Variants in REV3L observed in about 807,000 individuals in gnomAD.
The protein encoded by REV3L is DNA polymerase zeta catalytic subunit.
REV3L carries 69 observed loss-of-function variants against 299.4 expected under a neutral mutation model. The ratio of observed to expected loss-of-function variants is 0.23; its 90% CI spans 0.19 to 0.28. The LOEUF (loss-of-function observed/expected upper bound fraction) is 0.28. Among genes scored for constraint, REV3L ranks in the 10% least tolerant of loss-of-function variants. REV3L has a pLI of 1.00. For synonymous variants in REV3L, 1,238 were observed against 1,271.4 expected (o/e 0.97, Z 0.56); for missense variants, 3,128 against 3,693.8 (o/e 0.85, Z 3.97).
Position 111,355,799 on chromosome 6 carries a change from G to A in REV3L, c.7184+1215C>T, listed in dbSNP as rs182506393. ...TGCTTGCAGAAATAAAAGAAGTGTGGATACTGAAAGCATCTGACATGTTGA... is the reference window on the plus strand; with the variant it reads ...TGCTTGCAGAAATAAAAGAAGTGTGAATACTGAAAGCATCTGACATGTTGA... On this transcript the variant is annotated intron_variant, in intron 18 of 31. Transcript: ENST00000368802. 7.3e-4 allele frequency among the ~76,000 whole-genome samples: 111 copies of A among 152,228 alleles called. 1 individual carries two copies. Among genetic ancestry groups the A allele is most frequent in the Middle Eastern group, 3.4e-3 (1 of 294 alleles).
At chr6:111,349,036 T>C in intron 20 of REV3L, 182 bp downstream of exon 20, 1 of 427,410 alleles carries the variant, frequency 2.3e-6, no homozygotes, top group Non-Finnish European at 4.1e-6. Context: ...CTTAAAACAT[T>C]AAAGTCTATT....
intron 1 of REV3L, among the ~76,000 whole-genome samples, chr6:111,439,838 A>G (rs1411979071): frequency 1.3e-5 from 2 of 152,210 alleles, no homozygotes; most frequent in Non-Finnish European, 2.9e-5. Context: ...CACCGAAAAC[A>G]GAAAGGGCCC....
intron 5 of REV3L, among the ~76,000 whole-genome samples, chr6:111,391,928 G>A (rs557293695): frequency 3.9e-5 from 6 of 152,348 alleles, no homozygotes; most frequent in African/African-American, 1.4e-4. Flanking sequence ...GGCGGCGGTC[G>A]TAGTAAGCTG....
intron 1 of REV3L, among the ~76,000 whole-genome samples, chr6:111,440,677 C>T (rs111647032): frequency 5.3e-5 from 8 of 152,282 alleles, no homozygotes; most frequent in African/African-American, 1.9e-4. Context: ...TATTCCTTTT[C>T]TAATACTCTT....
At chr6:111,441,020 A>T (rs1480911327) in intron 1 of REV3L, among the ~76,000 whole-genome samples, 1 of 152,126 alleles carries the variant, frequency 6.6e-6, no homozygotes, top group African/African-American at 2.4e-5. Flanking sequence ...GTTTCTTTCA[A>T]AATTTTCTCT....
intron 20 of REV3L, among the ~76,000 whole-genome samples, chr6:111,346,642 C>T (rs1246531605): frequency 1.3e-5 from 2 of 152,070 alleles, no homozygotes; most frequent in African/African-American, 4.8e-5. Context: ...TGCCACTGTA[C>T]CCAGTTCCAA....
At chr6:111,300,389 T>G (rs1269301048) in intron 31 of REV3L, among the ~76,000 whole-genome samples, 2 of 152,226 alleles carry the variant, frequency 1.3e-5, no homozygotes, top group South Asian at 4.1e-4. Context: ...AGGATTCATT[T>G]AATTCCTAAG....
chr6:111,310,975 G>T, intron 29 of REV3L, 94 bp downstream of exon 29: 1 of 942,154 alleles, frequency 1.1e-6, no homozygotes, highest in Non-Finnish European at 1.5e-6. Context: ...AAACAATTTT[G>T]TGTCTGTGTC....
At chr6:111,462,462 A>C (rs949350357) in intron 1 of REV3L, among the ~76,000 whole-genome samples, 35 of 152,162 alleles carry the variant, frequency 2.3e-4, no homozygotes, top group African/African-American at 7.2e-4. Context: ...TGAAAAAAAA[A>C]CTGATAGAAC....
intron 28 of REV3L, 106 bp downstream of exon 28, chr6:111,313,246 G>T: frequency 1.1e-6 from 1 of 919,728 alleles, no homozygotes; most frequent in Non-Finnish European, 1.6e-6. Context: ...TAATTATATA[G>T]GCTATAGTTC....
At chr6:111,303,649 G>A (rs975955142) in intron 31 of REV3L, among the ~76,000 whole-genome samples, 94 of 132,078 alleles carry the variant, frequency 7.1e-4, no homozygotes, top group African/African-American at 2.6e-3. Flanking sequence ...TTATAGGCGT[G>A]AGCCATGATC....
At chr6:111,360,384 C>T (rs1234747128) in intron 16 of REV3L, among the ~76,000 whole-genome samples, 3 of 150,420 alleles carry the variant, frequency 2.0e-5, no homozygotes, top group African/African-American at 4.9e-5. Flanking sequence ...GGGAAGCTTA[C>T]TTTTCATTGC....
chr6:111,391,432 T>G (rs17539434), intron 5 of REV3L, among the ~76,000 whole-genome samples: 1 of 152,176 alleles, frequency 6.6e-6, no homozygotes, highest in Admixed American at 6.5e-5. Flanking sequence ...TTGTCTATTT[T>G]AAAGGAAATT....
At position 111,405,507 on chromosome 6, in the gene REV3L, A is replaced by G; in HGVS notation, c.528T>C (p.Asn176=). The change falls in exon 4 of 32, where the codon AAT becomes AAC. Residue 176 remains asparagine, a synonymous_variant. Transcript: ENST00000368802. ...DYNLYGMNLI[N]LAAVKFRKAR... ...CTTTTCGGAACTTGACAGCAGCCAG[A>G]TTTATTAAATTCATGCCATAAAGAT... 5.6e-6 allele frequency: 9 copies of G among 1,605,132 alleles called. No individual in the cohort carries two copies. Among genetic ancestry groups the G allele is most frequent in the Non-Finnish European group, 7.6e-6 (9 of 1,176,760 alleles).
At chr6:111,477,487 G>A (rs2128343062) in intron 1 of REV3L, among the ~76,000 whole-genome samples, 1 of 152,298 alleles carries the variant, frequency 6.6e-6, no homozygotes, top group African/African-American at 2.4e-5. Context: ...TCGAAGTTTA[G>A]GTGAAAGAAA....
At chr6:111,359,870 T>C (rs1330702493) in intron 16 of REV3L, among the ~76,000 whole-genome samples, 2 of 152,228 alleles carry the variant, frequency 1.3e-5, no homozygotes, top group African/African-American at 4.8e-5. Flanking sequence ...TTGTGTTTTG[T>C]ATTATCTTGC....
chr6:111,407,083 C>T (rs1357462341), intron 3 of REV3L, among the ~76,000 whole-genome samples: 1 of 152,038 alleles, frequency 6.6e-6, no homozygotes, highest in Non-Finnish European at 1.5e-5. Context: ...GCATGCCATC[C>T]TGGGCAACAG....
intron 28 of REV3L, 172 bp downstream of exon 28, chr6:111,313,180 A>AT: frequency 1.8e-6 from 1 of 541,616 alleles, no homozygotes; most frequent in Non-Finnish European, 2.9e-6. Flanking sequence ...CAAAAACAAA[A>AT]TAAGACACTA....
chr6:111,340,183 T>C lies in REV3L; in HGVS notation c.7538+3742A>G, dbSNP rs774117502. On this transcript the variant is annotated intron_variant, in intron 21 of 31. Transcript: ENST00000368802. ...GTGGACTGGCTCTATACTCAGCAAA[T>C]AGAAAAGAAAATTTCTTATATTATC... Among the ~76,000 whole-genome samples the C allele has an allele frequency of 3.9e-5, 6 of 152,232 alleles. No homozygotes were observed. In the East Asian group the frequency reaches 7.7e-4, roughly 20 times the overall value.
Sources: gnomAD v4.1 joint callset for allele counts (sites outside exome capture counted in the v4.1 genomes callset) on GRCh38, gnomAD v4.1.1 for gene constraint, MANE v1.5 for transcripts, NCBI Gene and HGNC (gene_info 2026-07-23, HGNC 2026-07-21) for gene names.